HSD11B1: variants seen among roughly 807,000 people sequenced by gnomAD.
The protein encoded by HSD11B1 is hydroxysteroid 11-beta dehydrogenase 1.
Under a neutral mutation model 22.1 loss-of-function variants are expected in HSD11B1, and 15 were observed. The observed-to-expected ratio is 0.68, with a 90% confidence interval of 0.45 to 1.04. The LOEUF (loss-of-function observed/expected upper bound fraction) is 1.04. HSD11B1 is among the 50% of genes least tolerant of loss of function. The pLI, the probability that HSD11B1 is intolerant of heterozygous loss-of-function variation, is 0.00. For missense variants in HSD11B1, 281 were observed against 357.6 expected, an observed-to-expected ratio of 0.79 and a Z score of 1.73; for synonymous variants, 122 against 125.2, an observed-to-expected ratio of 0.97 and a Z score of 0.17.
chr1:209,721,270 T>C (rs1376098753), intron 4 of HSD11B1, among the ~76,000 whole-genome samples: 2 of 152,152 alleles, frequency 1.3e-5, no homozygotes, highest in African/African-American at 4.8e-5. Context: ...TTCCCTCATT[T>C]TGATGACTGT....
At chr1:209,728,037 T>A (rs1393677993) in intron 4 of HSD11B1, among the ~76,000 whole-genome samples, 1 of 152,184 alleles carries the variant, frequency 6.6e-6, no homozygotes, top group African/African-American at 2.4e-5. Flanking sequence ...AGATAAAGGC[T>A]CTTTGAAGGG....
At chr1:209,717,174 G>A (rs957645278) in intron 4 of HSD11B1, among the ~76,000 whole-genome samples, 1 of 151,984 alleles carries the variant, frequency 6.6e-6, no homozygotes, top group Non-Finnish European at 1.5e-5. Flanking sequence ...CTAATATCCA[G>A]AATATACAAG....
intron 1 of HSD11B1, among the ~76,000 whole-genome samples, chr1:209,698,499 G>C (rs907737010): frequency 6.6e-6 from 1 of 152,186 alleles, no homozygotes; most frequent in Non-Finnish European, 1.5e-5. Flanking sequence ...CACAAGATGG[G>C]CCAAAGCCCT....
upstream of HSD11B1, among the ~76,000 whole-genome samples, chr1:209,703,477 G>C (rs2076836762): frequency 6.6e-6 from 1 of 151,716 alleles, no homozygotes; most frequent in Non-Finnish European, 1.5e-5. Context: ...TTCTCTTTTT[G>C]TCCTTCATAG....
intron 4 of HSD11B1, among the ~76,000 whole-genome samples, chr1:209,725,428 C>A (rs931811330): frequency 4.6e-5 from 7 of 152,208 alleles, no homozygotes; most frequent in Non-Finnish European, 8.8e-5. Context: ...GAATTTACAA[C>A]CTACCTCCTC....
At chr1:209,687,615 A>T (rs914319697) in intron 1 of HSD11B1, among the ~76,000 whole-genome samples, 1 of 152,224 alleles carries the variant, frequency 6.6e-6, no homozygotes, top group African/African-American at 2.4e-5. Flanking sequence ...CCAAAGTCAC[A>T]TGTATTGTCA....
chr1:209,689,962 C>A (rs867738530), intron 1 of HSD11B1, among the ~76,000 whole-genome samples: 1 of 152,136 alleles, frequency 6.6e-6, no homozygotes, highest in African/African-American at 2.4e-5. Context: ...ACATCAATAT[C>A]CCCCAGAGAT....
At chr1:209,709,643 G>A (rs1172172591) in intron 4 of HSD11B1, among the ~76,000 whole-genome samples, 8 of 152,170 alleles carry the variant, frequency 5.3e-5, no homozygotes, top group African/African-American at 1.2e-4. Context: ...CATTCCTAGA[G>A]TGCTTGTTTA....
chr1:209,697,357 G>A (rs2076797060), intron 1 of HSD11B1, among the ~76,000 whole-genome samples: 1 of 152,010 alleles, frequency 6.6e-6, no homozygotes, highest in Non-Finnish European at 1.5e-5. Context: ...TCATTTCCTG[G>A]AACATTCCTG....
chr1:209,724,848 CTCT>C (rs2076990717), intron 4 of HSD11B1, among the ~76,000 whole-genome samples: 1 of 152,160 alleles, frequency 6.6e-6, no homozygotes, highest in Non-Finnish European at 1.5e-5. Flanking sequence ...TTTCTCTCTT[CTCT>C]TCATTTTTTT....
rs2076858970 is a variant in HSD11B1 at position 209,706,364 on chromosome 1, TACAA to T, written c.220-341_220-338del. On this transcript the variant is annotated intron_variant, in intron 2 of 5. Transcript: ENST00000367027. The surrounding 1 kb of genome is among the most constrained non-coding windows in gnomAD (Gnocchi z 4.0). ...TCATGGACTCACAAACCCAAGGATGTACAAACATTCACAAACCTAGAGCTACCCA... is the reference window on the plus strand; with the variant it reads ...TCATGGACTCACAAACCCAAGGATGTACATTCACAAACCTAGAGCTACCCA... Among the ~76,000 whole-genome samples the T allele has an allele frequency of 6.6e-6, 1 of 152,084 alleles. No homozygotes were observed. The highest frequency in any genetic ancestry group is 2.4e-5 in the African/African-American group (1 of 41,412).
At position 209,732,413 on chromosome 1, in the gene HSD11B1, C is replaced by T. The variant is rs202197448; in HGVS notation, c.518-23C>T. ...GGTGAAATGGGCAGCCTTATTAACC[C>T]ATTTCTTTAATCTGTCATTTAGGGA... On this transcript the variant is annotated intron_variant, in intron 4 of 5. Transcript: ENST00000367027. 92 of 1,613,936 alleles carry T rather than the reference C, an allele frequency of 5.7e-5. No individual in the cohort carries two copies. The Admixed American group carries it at 7.0e-4, about 12-fold the overall frequency.
chr1:209,689,615 T>C (rs1192150274), intron 1 of HSD11B1, among the ~76,000 whole-genome samples: 2 of 152,194 alleles, frequency 1.3e-5, no homozygotes, highest in East Asian at 1.9e-4. Flanking sequence ...ATTCTTACTC[T>C]ATGAGTTCCT....
chr1:209,709,094 C>CTA (rs1162415314), intron 4 of HSD11B1, among the ~76,000 whole-genome samples: 1 of 152,208 alleles, frequency 6.6e-6, no homozygotes, highest in Non-Finnish European at 1.5e-5. Context: ...AATCTAAACT[C>CTA]TATAAATATG....
chr1:209,719,019 C>CAAAAAAGAAAAAAAA (rs2076948097), intron 4 of HSD11B1, among the ~76,000 whole-genome samples: 1 of 35,710 alleles, frequency 2.8e-5, no homozygotes, highest in Non-Finnish European at 4.6e-5. Flanking sequence ...GACTCCATCT[C>CAAAAAAGAAAAAAAA]AAAAAAAAAA....
At chr1:209,695,699 C>T (rs2076786699) in intron 1 of HSD11B1, among the ~76,000 whole-genome samples, 1 of 152,078 alleles carries the variant, frequency 6.6e-6, no homozygotes, top group Admixed American at 6.6e-5. Flanking sequence ...CCCAGCTACT[C>T]AGGAGGCTGA....
chr1:209,733,170 G>C (rs1288165873), intron 5 of HSD11B1, among the ~76,000 whole-genome samples: 1 of 152,108 alleles, frequency 6.6e-6, no homozygotes, highest in African/African-American at 2.4e-5. Context: ...ATACAAGTTT[G>C]TGTTTCTTAA....
At chr1:209,729,556 A>G (rs757867993) in intron 4 of HSD11B1, among the ~76,000 whole-genome samples, 1 of 152,160 alleles carries the variant, frequency 6.6e-6, no homozygotes, top group Non-Finnish European at 1.5e-5. Context: ...ATAGGTCTGG[A>G]GCCATAGCCA....
Position 209,706,031 on chromosome 1 carries a change from C to T in HSD11B1, c.219+90C>T, listed in dbSNP as rs1431918325. The T allele has an allele frequency of 1.3e-5, 20 of 1,543,324 alleles. No individual in the cohort carries two copies. The highest frequency in any genetic ancestry group is 9.1e-5 in the East Asian group (4 of 44,040). On this transcript the variant is annotated intron_variant, in intron 2 of 5. Transcript: ENST00000367027. The surrounding 1 kb of genome is among the most constrained non-coding windows in gnomAD (Gnocchi z 4.0). ...CACATATACACAGAAGCTAGCATATCGCAGATCTATATACAGAGGCACATG... is the reference window on the plus strand; with the variant it reads ...CACATATACACAGAAGCTAGCATATTGCAGATCTATATACAGAGGCACATG...
Sources: allele counts gnomAD v4.1 joint callset (sites outside exome capture counted in the v4.1 genomes callset), GRCh38; gene constraint gnomAD v4.1.1; non-coding constraint Gnocchi (gnomAD v3.1); transcripts MANE v1.5; gene names NCBI Gene and HGNC (gene_info 2026-07-23, HGNC 2026-07-21).